The following DLGAP2 variants were observed in gnomAD, a reference collection of about 807,000 sequenced individuals.
The protein encoded by DLGAP2 is disks large-associated protein 2.
A neutral mutation model predicts 100.3 loss-of-function variants in DLGAP2; 26 were observed. The observed-to-expected ratio is 0.26, with a 90% CI of 0.19 to 0.36. The LOEUF is 0.36. Ranked by LOEUF, DLGAP2 falls within the 10% of genes least tolerant of loss-of-function variation. DLGAP2 has a pLI of 1.00. For synonymous variants in DLGAP2, 886 were observed against 630.1 expected (o/e 1.41, Z -6.08); for missense variants, 1,858 against 1,453.2 (o/e 1.28, Z -4.53).
chr8:1,281,270 C>G (rs898431094), intron 3 of DLGAP2, among the ~76,000 whole-genome samples: 1 of 152,200 alleles, frequency 6.6e-6, no homozygotes, highest in African/African-American at 2.4e-5. Context: ...TTTTGAGCCA[C>G]GTGCCACATT....
chr8:801,967 G>C (rs13252988), intron 1 of DLGAP2, among the ~76,000 whole-genome samples: 4 of 144,440 alleles, frequency 2.8e-5, no homozygotes, highest in African/African-American at 9.9e-5. Flanking sequence ...CTGGGGAACG[G>C]TCTGCACCCC....
At chr8:1,092,951 T>G (rs1804233540) in intron 2 of DLGAP2, among the ~76,000 whole-genome samples, 2 of 152,080 alleles carry the variant, frequency 1.3e-5, no homozygotes, top group Non-Finnish European at 2.9e-5. Flanking sequence ...AAGAGAGAGA[T>G]TGTAAGGAAT....
intron 2 of DLGAP2, among the ~76,000 whole-genome samples, chr8:1,225,831 A>T (rs1005607551): frequency 3.9e-5 from 6 of 152,218 alleles, no homozygotes; most frequent in African/African-American, 1.2e-4. Context: ...CAAAATTGCT[A>T]AGGAGTAAAT....
At chr8:1,134,132 G>A (rs1414113527) in intron 2 of DLGAP2, among the ~76,000 whole-genome samples, 2 of 152,114 alleles carry the variant, frequency 1.3e-5, no homozygotes, top group Non-Finnish European at 2.9e-5. Flanking sequence ...GAGGATAATG[G>A]CCTCCAGTTC....
chr8:1,457,570 G>C (rs1172849461), intron 3 of DLGAP2, among the ~76,000 whole-genome samples: 1 of 152,166 alleles, frequency 6.6e-6, no homozygotes, highest in African/African-American at 2.4e-5. Flanking sequence ...TAAGACAGAT[G>C]GTTCTTCGCA....
intron 4 of DLGAP2, among the ~76,000 whole-genome samples, chr8:1,507,436 C>T (rs56156774): frequency 4.1e-4 from 63 of 152,298 alleles, no homozygotes; most frequent in African/African-American, 7.9e-4. Flanking sequence ...GCTGGCCGGC[C>T]GCTCCAAGTG....
At chr8:1,021,976 A>G (rs1316028645) in intron 2 of DLGAP2, among the ~76,000 whole-genome samples, 1 of 152,194 alleles carries the variant, frequency 6.6e-6, no homozygotes, top group Non-Finnish European at 1.5e-5. Flanking sequence ...TGAGACCATC[A>G]TGGCCAAGTT....
intron 7 of DLGAP2, among the ~76,000 whole-genome samples, 168 bp downstream of exon 7, chr8:1,627,055 C>T (rs930355883): frequency 1.3e-5 from 2 of 152,264 alleles, no homozygotes; most frequent in East Asian, 1.9e-4. Context: ...TGATTAGACT[C>T]GTGGACTTAC....
Position 843,369 on chromosome 8 carries a change from G to A in DLGAP2, c.19-64543G>A, listed in dbSNP as rs1006740803. Among the ~76,000 whole-genome samples the A allele has an allele frequency of 2.6e-5, 4 of 152,300 alleles. No homozygotes were observed. The South Asian group carries it at 8.3e-4, about 32-fold the overall frequency. On this transcript the variant is annotated intron_variant, in intron 1 of 14. Coordinates refer to ENST00000637795, the MANE Select transcript of DLGAP2 (RefSeq NM_001346810.2). ...GAGCCTTTCCTGGAAGGGCGGTGTG[G>A]CTGATCAGCATCAGGAGTTCACGGG... is the stretch of plus-strand genomic sequence containing the variant.
chr8:1,435,722 C>T (rs998627016), intron 3 of DLGAP2, among the ~76,000 whole-genome samples: 6 of 151,806 alleles, frequency 4.0e-5, no homozygotes, highest in South Asian at 2.1e-4. Flanking sequence ...TGGTCGTAGG[C>T]GATGGCAGCT....
intron 1 of DLGAP2, among the ~76,000 whole-genome samples, chr8:906,509 C>T (rs988482332): frequency 1.3e-5 from 2 of 152,180 alleles, no homozygotes; most frequent in Non-Finnish European, 2.9e-5. Context: ...GAGGAGCCCT[C>T]GAAGGCGTCA....
At chr8:758,624 C>T (rs1375043021) in intron 1 of DLGAP2, among the ~76,000 whole-genome samples, 1 of 152,072 alleles carries the variant, frequency 6.6e-6, no homozygotes, top group Non-Finnish European at 1.5e-5. Context: ...TGCAGTGGTG[C>T]AGTCATGACT....
In DLGAP2 at chr8:797,415, C is replaced by T. The variant is rs147361926; in HGVS notation, c.18+59590C>T. ...TTTCCTATTGTTGATGATCAATCTT[C>T]TGCTGAAGAATGTGCCACATTTCGC... On this transcript the variant is annotated intron_variant, in intron 1 of 14. Transcript: ENST00000637795. Among the ~76,000 whole-genome samples, 417 of 152,356 alleles carry T rather than the reference C, an allele frequency of 2.7e-3. 4 individuals carry two copies. The highest frequency in any genetic ancestry group is 9.7e-3 in the African/African-American group (405 of 41,584).
At chr8:1,452,564 G>C (rs1798192995) in intron 3 of DLGAP2, among the ~76,000 whole-genome samples, 1 of 152,342 alleles carries the variant, frequency 6.6e-6, no homozygotes, top group African/African-American at 2.4e-5. Flanking sequence ...CAGTGGCCCG[G>C]CTTAAATTGC....
At chr8:1,589,557 C>A in intron 6 of DLGAP2, among the ~76,000 whole-genome samples, 1 of 152,176 alleles carries the variant, frequency 6.6e-6, no homozygotes, top group East Asian at 1.9e-4. Flanking sequence ...ACCGCAGCCT[C>A]CCCAGTATCT....
At chr8:1,031,990 C>T (rs555681374) in intron 2 of DLGAP2, among the ~76,000 whole-genome samples, 62 of 152,318 alleles carry the variant, frequency 4.1e-4, no homozygotes, top group African/African-American at 1.4e-3. Flanking sequence ...AGGGGTGTTT[C>T]CCGGGCCCTT....
intron 1 of DLGAP2, among the ~76,000 whole-genome samples, chr8:871,428 C>G (rs1330174844): frequency 6.6e-6 from 1 of 152,180 alleles, no homozygotes; most frequent in Admixed American, 6.5e-5. Context: ...GCTTCTGAGT[C>G]CACCGTTGCT....
At chr8:1,011,205 C>G (rs1252563335) in intron 2 of DLGAP2, among the ~76,000 whole-genome samples, 2 of 150,122 alleles carry the variant, frequency 1.3e-5, no homozygotes, top group Admixed American at 6.6e-5. Context: ...GGGTCTCAGT[C>G]TGCACAGTGA....
intron 8 of DLGAP2, 87 bp downstream of exon 8, chr8:1,633,133 C>G (rs7014284): frequency 0.26 from 341,542 of 1,296,422 alleles, 53,584 homozygotes; most frequent in African/African-American, 0.69. Context: ...GCACACAGCA[C>G]CACAGTACAA....
Sources: allele counts gnomAD v4.1 joint callset (sites outside exome capture counted in the v4.1 genomes callset), GRCh38; gene constraint gnomAD v4.1.1; transcripts MANE v1.5; gene names NCBI Gene and HGNC (gene_info 2026-07-23, HGNC 2026-07-21).